Variants in SPRED1 observed in about 807,000 individuals in gnomAD.
SPRED1 encodes sprouty related EVH1 domain containing 1, also known as sprouty-related, EVH1 domain-containing protein 1.
In SPRED1, 18 loss-of-function variants were observed where a neutral mutation model predicts 52.3. That is an observed-to-expected ratio of 0.34 (90% CI 0.24 to 0.51). The LOEUF is 0.51. Ranked by LOEUF, SPRED1 falls within the 20% of genes least tolerant of loss-of-function variation. SPRED1 has a pLI of 0.97. For missense variants in SPRED1, 485 were observed against 551.0 expected, an observed-to-expected ratio of 0.88 and a Z score of 1.20; for synonymous variants, 155 against 179.7, an observed-to-expected ratio of 0.86 and a Z score of 1.10.
chr15:38,338,083 G>C (rs1267597446), intron 4 of SPRED1, among the ~76,000 whole-genome samples: 1 of 149,892 alleles, frequency 6.7e-6, no homozygotes, highest in African/African-American at 2.4e-5. Flanking sequence ...GTGGCGGCGG[G>C]CTCCTGTAAT....
intron 1 of SPRED1, among the ~76,000 whole-genome samples, chr15:38,276,422 A>C (rs994122755): frequency 6.6e-6 from 1 of 152,110 alleles, no homozygotes; most frequent in Admixed American, 6.5e-5. Context: ...AATTAGAGTA[A>C]TACTATACAC....
chr15:38,305,749 C>A (rs1449992788), intron 2 of SPRED1, among the ~76,000 whole-genome samples: 1 of 152,106 alleles, frequency 6.6e-6, no homozygotes, highest in Admixed American at 6.5e-5. Flanking sequence ...ATTTTCAAAT[C>A]TTCAGTATTC....
At chr15:38,284,167 T>G (rs1894753719) in intron 1 of SPRED1, among the ~76,000 whole-genome samples, 1 of 152,184 alleles carries the variant, frequency 6.6e-6, no homozygotes. Flanking sequence ...TGGAAGTCTT[T>G]TTATTTACTG....
Position 38,263,811 on chromosome 15 carries a change from T to TA in SPRED1, c.32+10602dup, listed in dbSNP as rs1367014198. On this transcript the variant is annotated intron_variant, in intron 1 of 6. Transcript: ENST00000299084. ...CTAACACTAAAGGTAGCGGATGCGC[T>TA]AAAAAAAACGAATCACAAAAAAAAT... is the stretch of plus-strand genomic sequence containing the variant. Among the ~76,000 whole-genome samples the TA allele has an allele frequency of 4.0e-5, 6 of 151,836 alleles. No homozygotes were observed. The East Asian group carries it at 5.8e-4, about 15-fold the overall frequency.
At chr15:38,286,502 A>G (rs533452331) in intron 1 of SPRED1, among the ~76,000 whole-genome samples, 13 of 146,530 alleles carry the variant, frequency 8.9e-5, no homozygotes, top group Non-Finnish European at 1.8e-4. Flanking sequence ...GAAGATTTAT[A>G]TTTATCTTTT....
intron 1 of SPRED1, among the ~76,000 whole-genome samples, chr15:38,259,199 G>A (rs879865396): frequency 1.3e-5 from 2 of 152,104 alleles, no homozygotes; most frequent in Admixed American, 1.3e-4. Flanking sequence ...GGGCTTAATA[G>A]CCATGTATCT....
At chr15:38,289,516 T>A (rs1013317271) in intron 1 of SPRED1, among the ~76,000 whole-genome samples, 2 of 152,068 alleles carry the variant, frequency 1.3e-5, no homozygotes, top group Non-Finnish European at 2.9e-5. Flanking sequence ...TATGTTAGGA[T>A]TTTGCAACTG....
chr15:38,256,822 CAT>C (rs35751987), intron 1 of SPRED1, among the ~76,000 whole-genome samples: 35,582 of 150,808 alleles, frequency 0.24, 4,340 homozygotes, highest in Middle Eastern at 0.33. Context: ...CACACACACA[CAT>C]ATATATATAT....
In SPRED1 at chr15:38,340,053, G is replaced by A. The variant is rs146763578; in HGVS notation, c.582+158G>A. On this transcript the variant is annotated intron_variant, in intron 5 of 6. Transcript: ENST00000299084. The stretch of plus-strand genomic sequence containing the variant: ...AAACCAGGAGAATTTGATTTATAAT[G>A]AGCCAAATCCAGAGTGAAACAATAA... 2.9e-3 allele frequency among the ~76,000 whole-genome samples: 448 copies of A among 152,258 alleles called. 7 individuals are homozygous for A. The East Asian group carries it at 0.031, about 10-fold the overall frequency.
In SPRED1 at chr15:38,339,850, A is replaced by G; in HGVS notation, c.537A>G (p.Glu179=). 1 of 1,613,944 alleles carries G rather than the reference A, an allele frequency of 6.2e-7. No individual in the cohort carries two copies. The highest frequency in any genetic ancestry group is 8.5e-7 in the Non-Finnish European group (1 of 1,179,920). ...CAAATATAAGACCTTCTCCCTTTGA[A>G]GATCTGAATGCCAGAAGAGTCTACA... ...RSSNIRPSPF[E]DLNARRVYMQ... is the part of the protein sequence containing the mutation. Residue 179 remains glutamate, a synonymous_variant, in exon 5 of 7, where the codon GAA becomes GAG. Coordinates refer to ENST00000299084, the MANE Select transcript of SPRED1 (RefSeq NM_152594.3).
chr15:38,306,102 C>T (rs546212991), intron 2 of SPRED1, among the ~76,000 whole-genome samples: 4 of 152,188 alleles, frequency 2.6e-5, no homozygotes, highest in African/African-American at 9.6e-5. Flanking sequence ...CCACTGATTT[C>T]CTAGAGACAA....
At chr15:38,323,723 A>C (rs1895650482) in intron 3 of SPRED1, among the ~76,000 whole-genome samples, 1 of 152,140 alleles carries the variant, frequency 6.6e-6, no homozygotes, top group African/African-American at 2.4e-5. Flanking sequence ...GTATTTTTTG[A>C]CAATTCCTCA....
At chr15:38,300,574 T>C (rs1014265574) in intron 2 of SPRED1, among the ~76,000 whole-genome samples, 1 of 152,124 alleles carries the variant, frequency 6.6e-6, no homozygotes, top group African/African-American at 2.4e-5. Flanking sequence ...GTTGCTTAAC[T>C]TTCACTGCCC....
At chr15:38,334,605 C>T (rs1359852030) in intron 4 of SPRED1, among the ~76,000 whole-genome samples, 1 of 151,928 alleles carries the variant, frequency 6.6e-6, no homozygotes, top group Non-Finnish European at 1.5e-5. Flanking sequence ...GGGATCATGC[C>T]ATGTTGACTG....
chr15:38,325,173 A>G (rs552108896), intron 4 of SPRED1, among the ~76,000 whole-genome samples: 1 of 152,296 alleles, frequency 6.6e-6, no homozygotes, highest in South Asian at 2.1e-4. Context: ...TGACACCTCA[A>G]GTAGAAAAAA....
At chr15:38,316,908 C>A (rs150858700) in intron 2 of SPRED1, among the ~76,000 whole-genome samples, 273 of 151,454 alleles carry the variant, frequency 1.8e-3, no homozygotes, top group Non-Finnish European at 2.8e-3. Flanking sequence ...AAGGGTTATT[C>A]GTGTCATATT....
At chr15:38,304,116 C>T (rs1895203185) in intron 2 of SPRED1, among the ~76,000 whole-genome samples, 1 of 152,112 alleles carries the variant, frequency 6.6e-6, no homozygotes, top group Non-Finnish European at 1.5e-5. Context: ...TATTTCTTTT[C>T]TAGGAAGAAA....
intron 1 of SPRED1, among the ~76,000 whole-genome samples, chr15:38,286,889 G>GTT (rs1279883868): frequency 2.6e-5 from 4 of 152,052 alleles, no homozygotes; most frequent in Non-Finnish European, 5.9e-5. Context: ...TCAAATTTAT[G>GTT]TTTGAGATTT....
rs1487928076 is a variant in SPRED1 at position 38,253,026 on chromosome 15, G to A, written c.-160G>A. The A allele has an allele frequency of 2.5e-5, 17 of 689,164 alleles. No homozygotes were observed. The highest frequency in any genetic ancestry group is 7.6e-4 in the Middle Eastern group (2 of 2,642). The allele number at this position is 689,164 out of a possible 1,614,324, so 42.7% of individuals were successfully genotyped here. On this transcript the variant is annotated 5_prime_UTR_variant, in exon 1 of 7. Coordinates refer to ENST00000299084, the MANE Select transcript of SPRED1 (RefSeq NM_152594.3). ...GGGGGTGGCCGGGGTTCCCGGCTGGGGGGGTACCGTTCTGGGTGAGGCATC... is the reference window on the plus strand; with the variant it reads ...GGGGGTGGCCGGGGTTCCCGGCTGGAGGGGTACCGTTCTGGGTGAGGCATC...
Sources: gnomAD v4.1 joint callset for allele counts (sites outside exome capture counted in the v4.1 genomes callset) on GRCh38, gnomAD v4.1.1 for gene constraint, MANE v1.5 for transcripts, NCBI Gene and HGNC (gene_info 2026-07-23, HGNC 2026-07-21) for gene names.